The following ZMYM2 variants were observed in gnomAD, a reference collection of about 807,000 sequenced individuals.
ZMYM2 encodes zinc finger MYM-type containing 2, also known as zinc finger MYM-type protein 2.
ZMYM2 carries 56 observed loss-of-function variants against 162.8 expected under a neutral mutation model. The observed-to-expected ratio is 0.34, with a 90% CI of 0.28 to 0.43. ZMYM2 has a LOEUF of 0.43. Ranked by LOEUF, ZMYM2 falls within the 20% of genes least tolerant of loss-of-function variation. The pLI is 1.00. For missense variants in ZMYM2, 1,275 were observed against 1,621.8 expected, an observed-to-expected ratio of 0.79 and a Z score of 3.67; for synonymous variants, 510 against 541.6, an observed-to-expected ratio of 0.94 and a Z score of 0.81.
intron 6 of ZMYM2, among the ~76,000 whole-genome samples, chr13:20,014,404 A>T (rs898600544): frequency 9.9e-5 from 15 of 151,960 alleles, no homozygotes; most frequent in African/African-American, 3.6e-4. Flanking sequence ...CTATTGTTAC[A>T]GGTCTGTTCA....
At chr13:20,082,187 C>T in intron 22 of ZMYM2, 57 bp downstream of exon 22, 1 of 1,252,184 alleles carries the variant, frequency 8.0e-7, no homozygotes, top group Non-Finnish European at 1.1e-6. Context: ...GTTATTTTTA[C>T]AGAGTATGTT....
At chr13:19,961,187 A>G (rs373025129) in intron 2 of ZMYM2, among the ~76,000 whole-genome samples, 1 of 151,390 alleles carries the variant, frequency 6.6e-6, no homozygotes, top group Non-Finnish European at 1.5e-5. Flanking sequence ...CTGAACCTCC[A>G]TGTACCCATC....
At chr13:20,023,304 G>A (rs530509367) in intron 7 of ZMYM2, among the ~76,000 whole-genome samples, 5 of 152,166 alleles carry the variant, frequency 3.3e-5, no homozygotes, top group South Asian at 4.2e-4. Flanking sequence ...ATCTTGGGGC[G>A]CCATTTCCTA....
chr13:20,009,831 C>T (rs1416893995), intron 6 of ZMYM2, among the ~76,000 whole-genome samples: 1 of 152,126 alleles, frequency 6.6e-6, no homozygotes, highest in Non-Finnish European at 1.5e-5. Flanking sequence ...ATAGATGTTG[C>T]TTTGTTGCCA....
intron 2 of ZMYM2, among the ~76,000 whole-genome samples, chr13:19,987,479 G>A (rs1170063502): frequency 6.6e-6 from 1 of 152,062 alleles, no homozygotes; most frequent in African/African-American, 2.4e-5. Flanking sequence ...TGGCCAGGCT[G>A]GTCTCAAACT....
At chr13:20,082,642 C>T in intron 22 of ZMYM2, 139 bp from the exon 23 acceptor site, 1 of 750,128 alleles carries the variant, frequency 1.3e-6, no homozygotes, top group Non-Finnish European at 2.0e-6. Flanking sequence ...ATAGGTAATT[C>T]TAGAATTATT....
chr13:20,055,346 G>A (rs1955707188), intron 14 of ZMYM2, among the ~76,000 whole-genome samples: 1 of 152,206 alleles, frequency 6.6e-6, no homozygotes, highest in African/African-American at 2.4e-5. Flanking sequence ...GTTATCCAAT[G>A]TGCATGTTCC....
chr13:20,061,237 A>G lies in ZMYM2; in HGVS notation c.2911+13A>G. On this transcript the variant is annotated intron_variant, in intron 17 of 24. Transcript: ENST00000610343. ...ACCAACATCAACAGTGAGCTACACT[A>G]AATTATACCTTGCGAATAAGTGTTA... 6.2e-7 allele frequency: 1 copy of G among 1,611,278 alleles called. No homozygotes were observed. The highest frequency in any genetic ancestry group is 2.2e-5 in the East Asian group (1 of 44,820).
chr13:19,965,026 T>G (rs913673874), intron 2 of ZMYM2, among the ~76,000 whole-genome samples: 2 of 151,132 alleles, frequency 1.3e-5, no homozygotes, highest in African/African-American at 4.9e-5. Context: ...GCATGGCACA[T>G]GTATACATAT....
At chr13:20,043,797 T>C (rs2140454986) in intron 12 of ZMYM2, among the ~76,000 whole-genome samples, 1 of 152,106 alleles carries the variant, frequency 6.6e-6, no homozygotes, top group African/African-American at 2.4e-5. Flanking sequence ...AAAACCTGCC[T>C]GCACATGGCA....
the ZMYM2 span, among the ~76,000 whole-genome samples, chr13:19,875,757 T>C: frequency 3.9e-5 from 6 of 152,038 alleles, no homozygotes; most frequent in African/African-American, 1.4e-4. Flanking sequence ...TTCTCCCTTA[T>C]GAGAGCTAAA....
chr13:19,966,799 C>T (rs1046217670), intron 2 of ZMYM2, among the ~76,000 whole-genome samples: 3 of 152,130 alleles, frequency 2.0e-5, no homozygotes, highest in Non-Finnish European at 2.9e-5. Context: ...ATAGGAAAAT[C>T]ATGATTATAA....
intron 2 of ZMYM2, among the ~76,000 whole-genome samples, chr13:19,965,771 C>CTTTTTTTTTT (rs35914050): frequency 1.9e-5 from 2 of 104,888 alleles, no homozygotes; most frequent in African/African-American, 3.6e-5. Flanking sequence ...TATCTGAATT[C>CTTTTTTTTTT]TTTTTTTTTT....
chr13:20,005,313 A>G (rs1950657723), intron 5 of ZMYM2, 74 bp downstream of exon 5: 1 of 1,125,098 alleles, frequency 8.9e-7, no homozygotes, highest in Non-Finnish European at 1.2e-6. Context: ...GAACTATTAG[A>G]TAATCTTTTA....
At chr13:20,059,673 T>TA (rs2140748967) in intron 16 of ZMYM2, 111 bp downstream of exon 16, 1 of 636,858 alleles carries the variant, frequency 1.6e-6, no homozygotes, top group South Asian at 1.7e-5. Flanking sequence ...TGCATCCACA[T>TA]ATGTGGATGA....
intron 21 of ZMYM2, among the ~76,000 whole-genome samples, chr13:20,077,039 A>G (rs868117178): frequency 3.3e-5 from 5 of 150,368 alleles, no homozygotes; most frequent in Non-Finnish European, 5.9e-5. Flanking sequence ...CGTGTTGGCC[A>G]GGTTTGTCTC....
intron 23 of ZMYM2, 144 bp from the exon 24 acceptor site, chr13:20,083,512 A>G: frequency 1.5e-6 from 1 of 648,294 alleles, no homozygotes; most frequent in Non-Finnish European, 2.6e-6. Flanking sequence ...CTTTTGTTTG[A>G]AAAATTGTAC....
At chr13:20,083,106 A>G in intron 23 of ZMYM2, 74 bp downstream of exon 23, 3 of 1,424,348 alleles carry the variant, frequency 2.1e-6, no homozygotes, top group Non-Finnish European at 2.8e-6. Context: ...CTTGTTGCCC[A>G]GGCTGGAGTG....
the ZMYM2 span, among the ~76,000 whole-genome samples, chr13:19,924,860 A>G: frequency 1.4e-5 from 2 of 144,704 alleles, no homozygotes; most frequent in East Asian, 4.0e-4. Flanking sequence ...TAGTAATTTT[A>G]TTTTTAATTT....
Sources: allele counts gnomAD v4.1 joint callset (sites outside exome capture counted in the v4.1 genomes callset), GRCh38; gene constraint gnomAD v4.1.1; transcripts MANE v1.5; gene names NCBI Gene and HGNC (gene_info 2026-07-23, HGNC 2026-07-21).